The following GMCL1 variants were observed in gnomAD, a reference collection of about 807,000 sequenced individuals.
GMCL1 encodes germ cell-less 1, spermatogenesis associated.
A neutral mutation model predicts 75.5 loss-of-function variants in GMCL1; 54 were observed. That is an observed-to-expected ratio of 0.71 (90% CI 0.57 to 0.90). GMCL1 has a LOEUF of 0.90. Among genes scored for constraint, GMCL1 ranks in the 40% least tolerant of loss-of-function variants. The probability of loss-of-function intolerance (pLI) is 0.00; values close to 1 mark genes in which losing one functional copy is unlikely to be tolerated. For synonymous variants in GMCL1, 210 were observed against 209.6 expected, an observed-to-expected ratio of 1.00 and a Z score of -0.02; for missense variants, 537 against 622.7, an observed-to-expected ratio of 0.86 and a Z score of 1.47.
At position 69,839,333 on chromosome 2, in the gene GMCL1, T is replaced by A. The variant is rs1235661928; in HGVS notation, c.385-124T>A. The A allele has an allele frequency of 7.4e-6, 4 of 542,548 alleles. 1 individual carries two copies. The highest frequency in any genetic ancestry group is 5.2e-4 in the Middle Eastern group (1 of 1,940). The allele number at this position is 542,548 out of a possible 1,614,324, so 33.6% of individuals were successfully genotyped here. Reference sequence around the variant, plus strand: ...GACATATTTGGCAGTTCTTTTTCTGTTGAAGTAATAGAATGGATGAGTTTA... The same window carrying A: ...GACATATTTGGCAGTTCTTTTTCTGATGAAGTAATAGAATGGATGAGTTTA... On this transcript the variant is annotated intron_variant, in intron 2 of 13. Transcript: ENST00000282570.
In GMCL1 at chr2:69,879,974, A is replaced by G. The variant is rs1676233929; in HGVS notation, c.*970A>G. ...CTTTGAGTGACACATGCTAATAGAA[A>G]TTTCATAGTAAATGTAAATAAGGTC... On this transcript the variant is annotated 3_prime_UTR_variant, in exon 14 of 14. Transcript: ENST00000282570. 1 of 152,202 alleles carries G rather than the reference A, an allele frequency of 6.6e-6. No homozygotes were observed. The highest frequency in any genetic ancestry group is 1.5e-5 in the Non-Finnish European group (1 of 68,022). The allele number at this position is 152,202 out of a possible 1,614,324, so 9.4% of individuals were successfully genotyped here.
At position 69,838,138 on chromosome 2, in the gene GMCL1, G is replaced by T. The variant is rs143538140; in HGVS notation, c.384+468G>T. Among the ~76,000 whole-genome samples the T allele has an allele frequency of 4.5e-3, 691 of 151,966 alleles. 7 individuals carry two copies. Among genetic ancestry groups the T allele is most frequent in the African/African-American group, 0.014 (595 of 41,444 alleles). On this transcript the variant is annotated intron_variant, in intron 2 of 13. Coordinates refer to ENST00000282570, the MANE Select transcript of GMCL1 (RefSeq NM_178439.5). The stretch of plus-strand genomic sequence containing the variant: ...AAGTATATAGACTAAGTAGATTTCT[G>T]TACTGAAAATATTACTACCTGCCAC...
chr2:69,844,544 CTT>C (rs34141260), intron 6 of GMCL1: 554 of 132,188 alleles, frequency 4.2e-3, no homozygotes, highest in Middle Eastern at 8.1e-3. Context: ...CTGTTTTGGC[CTT>C]TTTTTTTTTT....
In GMCL1 at chr2:69,830,070, T is replaced by G; in HGVS notation, c.178T>G (p.Cys60Gly). 8.9e-6 allele frequency: 14 copies of G among 1,573,606 alleles called. No homozygotes were observed. Among genetic ancestry groups the G allele is most frequent in the Non-Finnish European group, 1.0e-5 (12 of 1,158,954 alleles). The change falls in exon 1 of 14, where the codon TGC (cysteine) becomes GGC (glycine). Residue 60 changes from cysteine to glycine, a missense_variant. Physicochemically the swap from Cys to Gly is radical, Grantham distance 159. This residue lies in a region of GMCL1 where 144 missense variants were observed against 127.2 expected (regional missense o/e 1.13). Coordinates refer to ENST00000282570, the MANE Select transcript of GMCL1 (RefSeq NM_178439.5). ...HKRKRSSGSF[C>G]YCHPDSETDE... ...GCGCAAGCGGAGCAGCGGGTCCTTC[T>G]GCTACTGTCACCCTGACTCGGAGAC...
At chr2:69,836,215 G>C (rs531667183) in intron 1 of GMCL1, among the ~76,000 whole-genome samples, 12 of 152,288 alleles carry the variant, frequency 7.9e-5, no homozygotes, top group East Asian at 3.9e-4. Context: ...TTTTTTGGCT[G>C]TGGCTGTCAC....
chr2:69,859,293 G>C lies in GMCL1; in HGVS notation c.1073-1985G>C, dbSNP rs140990140. On this transcript the variant is annotated intron_variant, in intron 9 of 13. Coordinates refer to ENST00000282570, the MANE Select transcript of GMCL1 (RefSeq NM_178439.5). ...CTAGATCAATGAGTTTCAAACTCCA[G>C]GTATTTTAATAGGTAGGGATCAGCT... Among the ~76,000 whole-genome samples, 389 of 151,390 alleles carry C rather than the reference G, an allele frequency of 2.6e-3. 2 individuals are homozygous for C. Among genetic ancestry groups the C allele is most frequent in the African/African-American group, 9.1e-3 (374 of 41,306 alleles).
intron 11 of GMCL1, among the ~76,000 whole-genome samples, chr2:69,867,631 TCTTTTAA>T (rs1284267762): frequency 6.6e-6 from 1 of 152,192 alleles, no homozygotes; most frequent in Non-Finnish European, 1.5e-5. Context: ...TTGCTTATAC[TCTTTTAA>T]CTTTTCTTTT....
chr2:69,880,843 G>A lies in GMCL1; in HGVS notation c.*1839G>A, dbSNP rs537785487. ...AACCTAGGCGACAGAGTGAGACTCCGTCTCAAAAAAAAAAAAAAAAAAAAA... is the reference window on the plus strand; with the variant it reads ...AACCTAGGCGACAGAGTGAGACTCCATCTCAAAAAAAAAAAAAAAAAAAAA... On this transcript the variant is annotated 3_prime_UTR_variant, in exon 14 of 14. Coordinates refer to ENST00000282570, the MANE Select transcript of GMCL1 (RefSeq NM_178439.5). 7.1e-3 allele frequency: 631 copies of A among 88,708 alleles called. 6 individuals carry two copies. The highest frequency in any genetic ancestry group is 0.028 in the African/African-American group (535 of 19,240). The allele number at this position is 88,708 out of a possible 1,614,324, so 5.5% of individuals were successfully genotyped here. A position where few individuals can be genotyped will look rare whatever the true frequency, so the allele number is the denominator to read the frequency against.
At chr2:69,866,474 A>G (rs890563678) in intron 11 of GMCL1, among the ~76,000 whole-genome samples, 10 of 152,152 alleles carry the variant, frequency 6.6e-5, no homozygotes, top group African/African-American at 2.2e-4. Flanking sequence ...TTACGTTCAC[A>G]TTGATTGACT....
intron 1 of GMCL1, among the ~76,000 whole-genome samples, chr2:69,833,716 C>T (rs946798372): frequency 6.6e-6 from 1 of 152,196 alleles, no homozygotes; most frequent in Non-Finnish European, 1.5e-5. Context: ...GGTGTGCTCT[C>T]CCACATCAAC....
chr2:69,840,967 G>C lies in GMCL1; in HGVS notation c.507G>C (p.Leu169=), dbSNP rs150063489. ...CACTGCAGGTTGCATTTGGTTCACTGTATCGAGATGATGTCTTGATAAAGC... is the reference window on the plus strand; with the variant it reads ...CACTGCAGGTTGCATTTGGTTCACTCTATCGAGATGATGTCTTGATAAAGC... ...VEALQVAFGS[L]YRDDVLIKPS... is the part of the protein sequence containing the mutation. The change falls in exon 4 of 14, where the codon CTG becomes CTC. Residue 169 remains leucine (L), a synonymous_variant. Transcript: ENST00000282570. The C allele has an allele frequency of 8.7e-6, 14 of 1,613,920 alleles. No homozygotes were observed. Among genetic ancestry groups the C allele is most frequent in the Middle Eastern group, 1.7e-4 (1 of 6,060 alleles).
intron 8 of GMCL1, among the ~76,000 whole-genome samples, chr2:69,851,307 A>C (rs552607347): frequency 6.6e-6 from 1 of 152,050 alleles, no homozygotes; most frequent in East Asian, 1.9e-4. Flanking sequence ...GCAGCCTGGC[A>C]CGGAGGCTGA....
At chr2:69,858,641 T>A (rs1675550260) in intron 9 of GMCL1, among the ~76,000 whole-genome samples, 2 of 152,294 alleles carry the variant, frequency 1.3e-5, no homozygotes, top group African/African-American at 4.8e-5. Context: ...TTTGAACTTG[T>A]GTTACATTGA....
intron 1 of GMCL1, among the ~76,000 whole-genome samples, chr2:69,832,144 C>G (rs1000801384): frequency 4.6e-5 from 7 of 151,744 alleles, no homozygotes; most frequent in African/African-American, 1.7e-4. Context: ...TGGCTTGAAC[C>G]TGGGAGGCGA....
At position 69,849,648 on chromosome 2, in the gene GMCL1, T is replaced by A; in HGVS notation, c.844-4T>A. 6.6e-7 allele frequency: 1 copy of A among 1,509,420 alleles called. No individual in the cohort carries two copies. Among genetic ancestry groups the A allele is most frequent in the East Asian group, 2.4e-5 (1 of 42,178 alleles). 93.5% of individuals were successfully genotyped at this position (1,509,420 alleles called of 1,614,324 possible). On this transcript the variant is annotated splice_region_variant and splice_polypyrimidine_tract_variant and intron_variant, in intron 7 of 13. Transcript: ENST00000282570. ...GTTTTCTTATTTAATTTTTTTTAAC[T>A]TAGTGGATGTTCCTTCAACTTGTGC...
At chr2:69,852,297 G>A (rs1175879909) in intron 8 of GMCL1, among the ~76,000 whole-genome samples, 1 of 152,188 alleles carries the variant, frequency 6.6e-6, no homozygotes, top group South Asian at 2.1e-4. Context: ...TCCACTTCTG[G>A]ATTCCCACTT....
At chr2:69,844,855 G>A in intron 6 of GMCL1, 1 of 376,828 alleles carries the variant, frequency 2.7e-6, no homozygotes, top group Non-Finnish European at 5.7e-6. Flanking sequence ...AAGGTCTTCT[G>A]AACCAGGTCA....
At chr2:69,872,281 C>CAA (rs1676003444) in intron 13 of GMCL1, among the ~76,000 whole-genome samples, 1 of 152,170 alleles carries the variant, frequency 6.6e-6, no homozygotes, top group South Asian at 2.1e-4. Context: ...CGTAAGATGG[C>CAA]AAACTCTGCA....
chr2:69,838,558 T>C (rs750912563), intron 2 of GMCL1, among the ~76,000 whole-genome samples: 2 of 152,126 alleles, frequency 1.3e-5, no homozygotes, highest in East Asian at 3.8e-4. Context: ...AGTATAAAAT[T>C]TTTCAGTAAA....
Sources: allele counts gnomAD v4.1 joint callset (sites outside exome capture counted in the v4.1 genomes callset), GRCh38; gene constraint gnomAD v4.1.1; regional missense constraint gnomAD v4.1.1; transcripts MANE v1.5; gene names NCBI Gene and HGNC (gene_info 2026-07-23, HGNC 2026-07-21).